Variants in P4HA1 observed in about 807,000 individuals in gnomAD.
P4HA1 encodes the protein prolyl 4-hydroxylase subunit alpha-1.
Under a neutral mutation model 72.8 loss-of-function variants are expected in P4HA1, and 24 were observed. The observed-to-expected ratio is 0.33, with a 90% CI of 0.24 to 0.46. P4HA1 has a LOEUF of 0.46. Among genes scored for constraint, P4HA1 ranks in the 20% least tolerant of loss-of-function variants. The pLI, the probability that P4HA1 is intolerant of heterozygous loss-of-function variation, is 1.00. For synonymous variants in P4HA1, 201 were observed against 218.8 expected, an observed-to-expected ratio of 0.92 and a Z score of 0.72; for missense variants, 446 against 640.6, an observed-to-expected ratio of 0.70 and a Z score of 3.28.
chr10:73,032,929 T>C (rs1259424997), intron 9 of P4HA1, among the ~76,000 whole-genome samples: 1 of 152,184 alleles, frequency 6.6e-6, no homozygotes, highest in Admixed American at 6.5e-5. Flanking sequence ...CTAAAATTAT[T>C]TGCTTGGTGA....
chr10:73,052,464 A>T (rs1243601225), intron 6 of P4HA1, among the ~76,000 whole-genome samples: 1 of 152,208 alleles, frequency 6.6e-6, no homozygotes, highest in African/African-American at 2.4e-5. Flanking sequence ...TGGCTTATAG[A>T]TGACTCTTCT....
At chr10:73,059,921 G>C (rs954265192) in intron 5 of P4HA1, among the ~76,000 whole-genome samples, 3 of 151,710 alleles carry the variant, frequency 2.0e-5, no homozygotes, top group Non-Finnish European at 4.4e-5. Flanking sequence ...CTCCAGGCCG[G>C]GCAACAGAAC....
At chr10:73,094,898 A>G (rs1419629447) in intron 1 of P4HA1, among the ~76,000 whole-genome samples, 1 of 152,210 alleles carries the variant, frequency 6.6e-6, no homozygotes, top group Non-Finnish European at 1.5e-5. Flanking sequence ...CTAAGTTACC[A>G]AAACACAAAA....
intron 9 of P4HA1, among the ~76,000 whole-genome samples, chr10:73,040,077 C>G (rs1840697095): frequency 6.6e-6 from 1 of 151,678 alleles, no homozygotes; most frequent in South Asian, 2.1e-4. Context: ...GCTATACTAT[C>G]CAGGCTGGTC....
intron 10 of P4HA1, among the ~76,000 whole-genome samples, chr10:73,019,776 A>T (rs1564619734): frequency 6.6e-6 from 1 of 151,314 alleles, no homozygotes; most frequent in Non-Finnish European, 1.5e-5. Flanking sequence ...TAAAAATACA[A>T]TACAAAGCTG....
chr10:73,034,738 C>A (rs927817647), intron 9 of P4HA1, among the ~76,000 whole-genome samples: 1 of 151,848 alleles, frequency 6.6e-6, no homozygotes, highest in Non-Finnish European at 1.5e-5. Context: ...CAGGCATGCA[C>A]CACCATAGTT....
chr10:73,071,778 C>T (rs528771927), intron 4 of P4HA1, among the ~76,000 whole-genome samples: 1 of 152,094 alleles, frequency 6.6e-6, no homozygotes, highest in Admixed American at 6.5e-5. Flanking sequence ...AGAAATGAAG[C>T]TATATGCCAA....
At chr10:73,037,836 TA>T (rs964355046) in intron 9 of P4HA1, among the ~76,000 whole-genome samples, 2 of 150,610 alleles carry the variant, frequency 1.3e-5, no homozygotes, top group African/African-American at 2.4e-5. Flanking sequence ...GTTATGCCAT[TA>T]AAAAAAATAA....
chr10:73,014,868 G>A (rs531811718), intron 11 of P4HA1, among the ~76,000 whole-genome samples: 157 of 145,080 alleles, frequency 1.1e-3, no homozygotes, highest in Non-Finnish European at 2.0e-3. Context: ...TTGCCCTGTC[G>A]CCCAGGCTGG....
intron 12 of P4HA1, 35 bp from the exon 13 acceptor site, chr10:73,011,072 G>A: frequency 6.5e-7 from 1 of 1,529,646 alleles, no homozygotes; most frequent in Non-Finnish European, 9.0e-7. Context: ...CAAAAGTGCT[G>A]GTAGAATAAA....
At chr10:73,028,002 A>G (rs1472938715) in intron 10 of P4HA1, among the ~76,000 whole-genome samples, 4 of 152,090 alleles carry the variant, frequency 2.6e-5, no homozygotes, top group African/African-American at 9.7e-5. Context: ...TTAGCACCAC[A>G]TGTATCAAAA....
chr10:73,053,528 T>C lies in P4HA1; in HGVS notation c.526A>G (p.Thr176Ala). Reference sequence around the variant, plus strand: ...TCCGTATGGTAATAATCTGCTTCTGTATAGGCCACTTTGCCCAACTCAAAG... The same window carrying C: ...TCCGTATGGTAATAATCTGCTTCTGCATAGGCCACTTTGCCCAACTCAAAG... ...DCFELGKVAY[T>A]EADYYHTELW... The change falls in exon 6 of 15, where the codon ACA (threonine) becomes GCA (alanine). Residue 176 changes from threonine (T) to alanine (A), a missense_variant. Transcript: ENST00000394890. The C allele has an allele frequency of 1.5e-5, 24 of 1,614,042 alleles. No homozygotes were observed. The highest frequency in any genetic ancestry group is 2.0e-5 in the Non-Finnish European group (24 of 1,179,916).
intron 9 of P4HA1, among the ~76,000 whole-genome samples, chr10:73,041,418 G>T (rs1840730236): frequency 6.6e-6 from 1 of 151,954 alleles, no homozygotes; most frequent in African/African-American, 2.4e-5. Context: ...GCGGGCGCCT[G>T]TAGTCCCAGG....
intron 6 of P4HA1, among the ~76,000 whole-genome samples, chr10:73,052,354 T>C (rs930312269): frequency 1.3e-5 from 2 of 152,164 alleles, no homozygotes; most frequent in Non-Finnish European, 2.9e-5. Context: ...TGTTACGATA[T>C]CCAATATTAA....
At chr10:73,076,712 G>C (rs1289914011) in intron 1 of P4HA1, among the ~76,000 whole-genome samples, 3 of 151,836 alleles carry the variant, frequency 2.0e-5, no homozygotes, top group African/African-American at 7.3e-5. Flanking sequence ...CTACAAACAT[G>C]AACTTTGTCT....
In P4HA1 at chr10:73,085,384, T is replaced by C. The variant is rs1841905293; in HGVS notation, c.-32-10469A>G. Among the ~76,000 whole-genome samples the C allele has an allele frequency of 2.7e-5, 4 of 145,708 alleles. No homozygotes were observed. The Admixed American group carries it at 3.0e-4, about 11-fold the overall frequency. On this transcript the variant is annotated intron_variant, in intron 1 of 14. Transcript: ENST00000394890. ...AATATATAAAGAACTTAGAACTCAA[T>C]AATTTTTTTTTTTTTTGAGACAGAG...
At chr10:73,010,336 T>C (rs1393384870) in intron 13 of P4HA1, among the ~76,000 whole-genome samples, 1 of 152,168 alleles carries the variant, frequency 6.6e-6, no homozygotes, top group African/African-American at 2.4e-5. Context: ...TTTCCTCTAA[T>C]ATAATTCTGA....
intron 9 of P4HA1, among the ~76,000 whole-genome samples, chr10:73,032,789 A>G (rs1840463251): frequency 6.6e-6 from 1 of 152,210 alleles, no homozygotes; most frequent in South Asian, 2.1e-4. Flanking sequence ...TAAGAGAGAG[A>G]GCAAGAGAGA....
chr10:73,024,361 T>C (rs912339200), intron 10 of P4HA1, among the ~76,000 whole-genome samples: 110 of 152,280 alleles, frequency 7.2e-4, no homozygotes, highest in Non-Finnish European at 1.5e-3. Context: ...CACAACTACA[T>C]GGAAACTGAA....
Sources: gnomAD v4.1 joint callset for allele counts (sites outside exome capture counted in the v4.1 genomes callset) on GRCh38, gnomAD v4.1.1 for gene constraint, MANE v1.5 for transcripts, NCBI Gene and HGNC (gene_info 2026-07-23, HGNC 2026-07-21) for gene names.